Variants in MROH1 observed in about 807,000 individuals in gnomAD.
The protein encoded by MROH1 is maestro heat-like repeat-containing protein family member 1.
MROH1 carries 117 observed loss-of-function variants against 116.5 expected under a neutral mutation model. The observed-to-expected ratio is 1.00, with a 90% CI of 0.86 to 1.17. The LOEUF (loss-of-function observed/expected upper bound fraction) is 1.17. MROH1 is among the 50% of genes most tolerant of loss of function. The pLI, the probability that MROH1 is intolerant of heterozygous loss-of-function variation, is 0.00. For synonymous variants in MROH1, 921 were observed against 583.9 expected, an observed-to-expected ratio of 1.58 and a Z score of -8.32; for missense variants, 1,873 against 1,338.5, an observed-to-expected ratio of 1.40 and a Z score of -6.23.
intron 3 of MROH1, among the ~76,000 whole-genome samples, chr8:144,167,974 C>T (rs1239692617): frequency 6.6e-6 from 1 of 152,148 alleles, no homozygotes; most frequent in South Asian, 2.1e-4. Context: ...AGCCTCATGC[C>T]TGCCTGTGTG....
chr8:144,191,967 A>G (rs563400387), intron 9 of MROH1, 112 bp downstream of exon 9: 129 of 1,281,800 alleles, frequency 1.0e-4, no homozygotes, highest in Non-Finnish European at 3.3e-6. Context: ...GGTGGCCCTG[A>G]GTTCTCTGCT....
At chr8:144,229,767 C>T (rs369105171) in intron 14 of MROH1, among the ~76,000 whole-genome samples, 16 of 152,254 alleles carry the variant, frequency 1.1e-4, no homozygotes, top group African/African-American at 3.6e-4. Flanking sequence ...GTCATTACAG[C>T]TTATGCCTGT....
rs780145927 is a variant in MROH1, at chr8:144,180,161, C to T, written c.301-17C>T. 46 of 1,613,304 alleles carry T rather than the reference C, an allele frequency of 2.9e-5. No homozygotes were observed. Among genetic ancestry groups the T allele is most frequent in the East Asian group, 4.5e-5 (2 of 44,852 alleles). Reference sequence around the variant, plus strand: ...TGGTCTTGCCTTTTGGTCTACCTGCCGGTGTTTTGGGTTCAGGACCTGGTC... The same window carrying T: ...TGGTCTTGCCTTTTGGTCTACCTGCTGGTGTTTTGGGTTCAGGACCTGGTC... On this transcript the variant is annotated splice_polypyrimidine_tract_variant and intron_variant, in intron 5 of 43. Coordinates refer to ENST00000326134, the MANE Select transcript of MROH1 (RefSeq NM_032450.3). This position sits in a 1 kb window ranked among gnomAD's most constrained non-coding sequence, Gnocchi z 7.4.
chr8:144,185,503 G>T (rs577043068), intron 7 of MROH1, among the ~76,000 whole-genome samples: 1 of 148,422 alleles, frequency 6.7e-6, no homozygotes, highest in African/African-American at 2.5e-5. Context: ...TGAGGACAGC[G>T]AGGGGTGGCG....
At chr8:144,244,407 T>A in intron 27 of MROH1, 37 bp from the exon 28 acceptor site, 3 of 730,002 alleles carry the variant, frequency 4.1e-6, no homozygotes, top group Non-Finnish European at 7.7e-6. Context: ...GGCTGCGGGG[T>A]CACTGGTGGG....
chr8:144,249,748 C>T (rs1842533018), intron 32 of MROH1, among the ~76,000 whole-genome samples: 1 of 152,202 alleles, frequency 6.6e-6, no homozygotes, highest in South Asian at 2.1e-4. Context: ...GCTCCATCCT[C>T]GGTCTGGGAA....
intron 1 of MROH1, among the ~76,000 whole-genome samples, chr8:144,149,230 G>C (rs1816155684): frequency 6.6e-6 from 1 of 152,182 alleles, no homozygotes; most frequent in African/African-American, 2.4e-5. Flanking sequence ...GGCACCCTAG[G>C]GTGCTGCCGT....
intron 2 of MROH1, among the ~76,000 whole-genome samples, chr8:144,162,116 A>C (rs1587769480): frequency 4.5e-5 from 6 of 134,054 alleles, no homozygotes; most frequent in East Asian, 2.1e-4. Flanking sequence ...ACAGAGTCTC[A>C]CTCTGTCGCC....
At chr8:144,174,504 G>T (rs1347910133) in intron 4 of MROH1, among the ~76,000 whole-genome samples, 8 of 149,036 alleles carry the variant, frequency 5.4e-5, no homozygotes, top group African/African-American at 2.0e-4. Flanking sequence ...TTTAAATTCA[G>T]GGATGGACTC....
chr8:144,157,138 A>C (rs891105734), intron 1 of MROH1, among the ~76,000 whole-genome samples: 53 of 152,026 alleles, frequency 3.5e-4, no homozygotes, highest in Non-Finnish European at 6.9e-4. Context: ...TTGTATTTTT[A>C]GTAGAGAAGG....
rs977958174 is a variant in MROH1 at position 144,248,888 on chromosome 8, G to C, written c.3132G>C (p.Lys1044Asn). The C allele has an allele frequency of 1.3e-6, 1 of 778,884 alleles. No individual in the cohort carries two copies. 48.2% of individuals were successfully genotyped at this position (778,884 alleles called of 1,614,324 possible). A position where few individuals can be genotyped will look rare whatever the true frequency, so the allele number is the denominator to read the frequency against. ...TCHSVGQIIA[K>N]RLPPDQLISL... ...CGCCTTCCTCCTAGATTATTGCCAA[G>C]CGCCTCCCCCCAGACCAGCTCATCA... The change falls in exon 32 of 44, where the codon AAG becomes AAC. Residue 1044 changes from lysine (K) to asparagine (N), a missense_variant. Lys to Asn is a moderately conservative substitution (Grantham distance 94). Coordinates refer to ENST00000326134, the MANE Select transcript of MROH1 (RefSeq NM_032450.3).
intron 12 of MROH1, among the ~76,000 whole-genome samples, chr8:144,208,466 T>C (rs1358685158): frequency 6.6e-6 from 1 of 151,720 alleles, no homozygotes; most frequent in Non-Finnish European, 1.5e-5. Context: ...TTTTCCTGTG[T>C]GCCTGTCTGT....
At position 144,255,677 on chromosome 8, in the gene MROH1, C is replaced by A; in HGVS notation, c.3763C>A (p.Leu1255Ile). The A allele has an allele frequency of 3.9e-6, 3 of 764,700 alleles. No individual in the cohort carries two copies. In the South Asian group the frequency reaches 4.2e-5, roughly 11 times the overall value. 47.4% of individuals were successfully genotyped at this position (764,700 alleles called of 1,614,324 possible). The change falls in exon 35 of 44, where the codon CTA becomes ATA. Residue 1255 changes from leucine to isoleucine, a missense_variant. Coordinates refer to ENST00000326134, the MANE Select transcript of MROH1 (RefSeq NM_032450.3). ...GGAAAGGAGGGGTGCCAGTCCAGCC[C>A]TAGCCACCAGGAACCTGGAACCCTG... ...AQERRGASPA[L>I]ATRNLEPCSS...
At chr8:144,255,774 G>C in intron 35 of MROH1, 69 bp downstream of exon 35, 1 of 693,578 alleles carries the variant, frequency 1.4e-6, no homozygotes, top group Non-Finnish European at 2.7e-6. Context: ...GCACGCGCGT[G>C]GTGGGGGCGG....
At position 144,220,659 on chromosome 8, in the gene MROH1, G is replaced by T; in HGVS notation, c.1201G>T (p.Asp401Tyr). The change falls in exon 13 of 44, where the codon GAC (aspartate) becomes TAC (tyrosine). Residue 401 changes from aspartate to tyrosine, a missense_variant. Coordinates refer to ENST00000326134, the MANE Select transcript of MROH1 (RefSeq NM_032450.3). ...GTCTTCCATGAGGCTTCCTCTCCTG[G>T]ACACCAACAGCAAGGTAAACCACAT... ...ILSSMRLPLL[D>Y]TNSKVKRAVV... 1 of 1,574,850 alleles carries T rather than the reference G, an allele frequency of 6.3e-7. No homozygotes were observed. The highest frequency in any genetic ancestry group is 8.6e-7 in the Non-Finnish European group (1 of 1,160,396).
chr8:144,190,923 T>A lies in MROH1; in HGVS notation c.702T>A (p.Ser234Arg), dbSNP rs769880377. The A allele has an allele frequency of 3.7e-5, 59 of 1,612,962 alleles. No individual in the cohort carries two copies. Among genetic ancestry groups the A allele is most frequent in the Non-Finnish European group, 4.7e-5 (55 of 1,179,802 alleles). The change falls in exon 8 of 44, where the codon AGT becomes AGA. Residue 234 changes from serine (S) to arginine (R), a missense_variant. By Grantham distance (110) the Ser-to-Arg change is moderately radical (BLOSUM62 -1). Transcript: ENST00000326134. The stretch of plus-strand genomic sequence containing the variant: ...TTCTCTTCCATCAGTGGCTGCAGAG[T>A]CGAGAAGCCAAGGTATGCCCCGTGG... Reference protein sequence around the residue: ...YDVLFHQWLQSREAKLRLAVV... With the variant: ...YDVLFHQWLQRREAKLRLAVV...
chr8:144,151,167 G>T (rs978057296), intron 1 of MROH1, among the ~76,000 whole-genome samples: 1 of 144,196 alleles, frequency 6.9e-6, no homozygotes, highest in African/African-American at 2.6e-5. Flanking sequence ...AGAATCGCTT[G>T]AACCTGGGAG....
chr8:144,238,671 G>A (rs1360278040), intron 14 of MROH1, 85 bp from the exon 15 acceptor site: 1 of 728,072 alleles, frequency 1.4e-6, no homozygotes, highest in Non-Finnish European at 2.5e-6. Context: ...GAGGCTCAGG[G>A]TCTGCCCCGC....
chr8:144,162,725 G>GC (rs1819858380), intron 2 of MROH1, among the ~76,000 whole-genome samples: 1 of 142,438 alleles, frequency 7.0e-6, no homozygotes, highest in African/African-American at 2.6e-5. Context: ...TCTTTCTTTT[G>GC]TTTTTTTTTT....
Sources: allele counts gnomAD v4.1 joint callset (sites outside exome capture counted in the v4.1 genomes callset), GRCh38; gene constraint gnomAD v4.1.1; non-coding constraint Gnocchi (gnomAD v3.1); transcripts MANE v1.5; gene names NCBI Gene and HGNC (gene_info 2026-07-23, HGNC 2026-07-21).